PRAG1: variants seen among roughly 807,000 people sequenced by gnomAD.
PRAG1 encodes PEAK1 related, kinase-activating pseudokinase 1.
Under a neutral mutation model 95.6 loss-of-function variants are expected in PRAG1, and 110 were observed. That is an observed-to-expected ratio of 1.15 (90% CI 0.99 to 1.35). The LOEUF is 1.35. Among genes scored for constraint, PRAG1 ranks in the 40% most tolerant of loss-of-function variants. PRAG1 has a pLI of 0.00. For synonymous variants in PRAG1, 1,052 were observed against 819.4 expected (o/e 1.28, Z -4.85); for missense variants, 2,554 against 1,864.7 (o/e 1.37, Z -6.81).
In PRAG1 at chr8:8,381,785, C is replaced by T. The variant is rs370041330; in HGVS notation, c.-38G>A. 6.7e-7 allele frequency: 1 copy of T among 1,499,452 alleles called. No homozygotes were observed. The highest frequency in any genetic ancestry group is 2.1e-5 in the Admixed American group (1 of 46,972). The allele number at this position is 1,499,452 out of a possible 1,614,324, so 92.9% of individuals were successfully genotyped here. On this transcript the variant is annotated 5_prime_UTR_variant, in exon 2 of 6. Coordinates refer to ENST00000615670, the MANE Select transcript of PRAG1 (RefSeq NM_001080826.3). ...GGGTGCTGGTTCATCTTGCGCCCGG[C>T]TCTCTGGTGCAGTTTTGTGGGATTC...
At chr8:8,324,490 G>C (rs991115978) in intron 5 of PRAG1, among the ~76,000 whole-genome samples, 5 of 152,136 alleles carry the variant, frequency 3.3e-5, no homozygotes, top group Non-Finnish European at 7.4e-5. Flanking sequence ...GTAGGCCCGC[G>C]CCGGAGATCA....
chr8:8,381,547 G>T lies in PRAG1; in HGVS notation c.201C>A (p.Cys67Ter). The T allele has an allele frequency of 6.2e-7, 1 of 1,614,222 alleles. No homozygotes were observed. Among genetic ancestry groups the T allele is most frequent in the Non-Finnish European group, 8.5e-7 (1 of 1,180,034 alleles). ...TGTTCACACCTTCATCTTCCAGGCG[G>T]CAGTTCTCAGGCCTGGGAGGCAGGC... The part of the protein sequence containing the change: ...PPRLPPRPEN[C>*]RLEDEGVNSS... Residue 67 changes from cysteine to a stop codon, truncating the protein, a stop_gained, in exon 2 of 6, where the codon TGC becomes TGA. Transcript: ENST00000615670. LOFTEE classifies it high-confidence loss of function.
At chr8:8,339,740 T>A in intron 3 of PRAG1, 105 bp from the exon 4 acceptor site, 1 of 1,121,212 alleles carries the variant, frequency 8.9e-7, no homozygotes, top group Non-Finnish European at 1.3e-6. Context: ...CTGGCCAATG[T>A]CAGCAAGTTT....
chr8:8,341,156 T>C (rs995280302), intron 3 of PRAG1, among the ~76,000 whole-genome samples: 2 of 152,218 alleles, frequency 1.3e-5, no homozygotes, highest in African/African-American at 2.4e-5. Flanking sequence ...AAGTGGTTTC[T>C]AGAGTTTCTT....
At chr8:8,332,163 A>ATT (rs35335829) in intron 4 of PRAG1, among the ~76,000 whole-genome samples, 1 of 136,822 alleles carries the variant, frequency 7.3e-6, no homozygotes. Flanking sequence ...ACATATTACG[A>ATT]TTTTTTTTTT....
chr8:8,318,202 C>T lies in PRAG1; in HGVS notation c.4173G>A (p.Ala1391=). Residue 1391 remains alanine (A), a synonymous_variant, in exon 6 of 6, where the codon GCG becomes GCA. Coordinates refer to ENST00000615670, the MANE Select transcript of PRAG1 (RefSeq NM_001080826.3). The surrounding 1 kb of genome is among the most constrained non-coding windows in gnomAD (Gnocchi z 4.2). ...DWLCCQYLAS[A]EPGALLQSLK... Reference sequence around the variant, plus strand: ...GCGACTGTAAGAGGGCCCCGGGCTCCGCAGACGCCAGGTACTGGCAGCAAA... The same window carrying T: ...GCGACTGTAAGAGGGCCCCGGGCTCTGCAGACGCCAGGTACTGGCAGCAAA... 6.2e-7 allele frequency: 1 copy of T among 1,614,076 alleles called. No individual in the cohort carries two copies. The highest frequency in any genetic ancestry group is 8.5e-7 in the Non-Finnish European group (1 of 1,180,002).
intron 3 of PRAG1, among the ~76,000 whole-genome samples, chr8:8,375,604 T>G (rs1800359921): frequency 6.6e-6 from 1 of 152,216 alleles, no homozygotes; most frequent in African/African-American, 2.4e-5. Flanking sequence ...GTGGTAACAG[T>G]TTATTGAGCA....
intron 1 of PRAG1, 75 bp from the exon 2 acceptor site, chr8:8,381,909 A>G (rs1015966314): frequency 3.5e-6 from 2 of 579,400 alleles, no homozygotes; most frequent in East Asian, 5.8e-5. Flanking sequence ...TTAGAGTCTC[A>G]CTATTTGATC....
intron 3 of PRAG1, among the ~76,000 whole-genome samples, chr8:8,353,780 C>T (rs1799597945): frequency 6.6e-6 from 1 of 151,580 alleles, no homozygotes; most frequent in South Asian, 2.1e-4. Context: ...GCACTCTAGC[C>T]TGAGTGACAG....
chr8:8,329,877 C>T (rs925614866), intron 4 of PRAG1, among the ~76,000 whole-genome samples: 5 of 152,186 alleles, frequency 3.3e-5, no homozygotes, highest in African/African-American at 1.2e-4. Context: ...CCTCAGTGAC[C>T]GAGGCAGCAT....
At chr8:8,385,436 C>T (rs1209277226) in intron 1 of PRAG1, among the ~76,000 whole-genome samples, 1 of 152,142 alleles carries the variant, frequency 6.6e-6, no homozygotes, top group Non-Finnish European at 1.5e-5. Context: ...CCAACCAGAC[C>T]TCAGGAGAGA....
At chr8:8,373,641 C>A (rs1301766914) in intron 3 of PRAG1, among the ~76,000 whole-genome samples, 1 of 152,010 alleles carries the variant, frequency 6.6e-6, no homozygotes, top group African/African-American at 2.4e-5. Context: ...TTGGTGGAGA[C>A]TGGGTTTCAC....
chr8:8,350,790 G>A (rs1018101574), intron 3 of PRAG1, among the ~76,000 whole-genome samples: 3 of 152,178 alleles, frequency 2.0e-5, no homozygotes, highest in Non-Finnish European at 4.4e-5. Context: ...TCTATAAAAT[G>A]TGGATAATGA....
At chr8:8,369,086 A>G (rs1051767010) in intron 3 of PRAG1, among the ~76,000 whole-genome samples, 8 of 152,142 alleles carry the variant, frequency 5.3e-5, no homozygotes, top group Admixed American at 5.2e-4. Context: ...TCTTTAACTC[A>G]AGGTGGTAAT....
At chr8:8,367,351 G>A (rs1385232471) in intron 3 of PRAG1, among the ~76,000 whole-genome samples, 5 of 149,884 alleles carry the variant, frequency 3.3e-5, no homozygotes, top group East Asian at 2.0e-4. Context: ...CCAGCTACTC[G>A]GGAGGATGAG....
intron 5 of PRAG1, among the ~76,000 whole-genome samples, chr8:8,326,658 G>T (rs1375867152): frequency 6.6e-6 from 1 of 152,242 alleles, no homozygotes; most frequent in African/African-American, 2.4e-5. Flanking sequence ...CAAGAGGCCT[G>T]ATCCAGCATC....
At chr8:8,359,453 A>T (rs1186489786) in intron 3 of PRAG1, among the ~76,000 whole-genome samples, 1 of 152,228 alleles carries the variant, frequency 6.6e-6, no homozygotes, top group African/African-American at 2.4e-5. Flanking sequence ...CCATCCTTCT[A>T]GCCAATTAGA....
chr8:8,375,987 C>T (rs186815347), intron 3 of PRAG1, among the ~76,000 whole-genome samples: 1 of 152,230 alleles, frequency 6.6e-6, no homozygotes. Context: ...CAACAAATGG[C>T]AACAGCTTGG....
At chr8:8,385,231 C>G (rs1356001331) in intron 1 of PRAG1, among the ~76,000 whole-genome samples, 1 of 152,202 alleles carries the variant, frequency 6.6e-6, no homozygotes, top group Non-Finnish European at 1.5e-5. Context: ...TCAGCACACT[C>G]CACTGGCCAG....
Sources: gnomAD v4.1 joint callset for allele counts (sites outside exome capture counted in the v4.1 genomes callset) on GRCh38, gnomAD v4.1.1 for gene constraint, Gnocchi (gnomAD v3.1) non-coding constraint, MANE v1.5 for transcripts, NCBI Gene and HGNC (gene_info 2026-07-23, HGNC 2026-07-21) for gene names.